PTPN4: variants seen among roughly 807,000 people sequenced by gnomAD.
PTPN4 encodes tyrosine-protein phosphatase non-receptor type 4.
Under a neutral mutation model 135.5 loss-of-function variants are expected in PTPN4, and 49 were observed. The observed-to-expected ratio is 0.36, with a 90% confidence interval of 0.29 to 0.46. PTPN4 has a LOEUF of 0.46. PTPN4 is among the 20% of genes least tolerant of loss of function. PTPN4 has a pLI of 1.00. For synonymous variants in PTPN4, 333 were observed against 369.9 expected (o/e 0.90, Z 1.14); for missense variants, 860 against 1,101.0 (o/e 0.78, Z 3.10).
At chr2:119,871,045 C>G (rs1418725536) in intron 3 of PTPN4, among the ~76,000 whole-genome samples, 1 of 149,980 alleles carries the variant, frequency 6.7e-6, no homozygotes, top group African/African-American at 2.5e-5. Flanking sequence ...GTCACATAAC[C>G]CAATAGAAAA....
chr2:119,868,462 A>T (rs959923387), intron 3 of PTPN4, among the ~76,000 whole-genome samples: 5 of 152,230 alleles, frequency 3.3e-5, no homozygotes, highest in African/African-American at 1.2e-4. Context: ...TGTTGGGAAC[A>T]GGACCCCCCA....
At chr2:119,901,877 G>GA (rs1248849814) in intron 10 of PTPN4, among the ~76,000 whole-genome samples, 1 of 151,592 alleles carries the variant, frequency 6.6e-6, no homozygotes, top group African/African-American at 2.4e-5. Context: ...TTATACACAA[G>GA]AAAAAAATGA....
intron 2 of PTPN4, among the ~76,000 whole-genome samples, chr2:119,837,982 C>T (rs1479317485): frequency 6.6e-6 from 1 of 152,240 alleles, no homozygotes; most frequent in African/African-American, 2.4e-5. Context: ...CTGACTCGCC[C>T]TTGGCAGGTG....
At chr2:119,965,331 C>T (rs192506170) in intron 24 of PTPN4, among the ~76,000 whole-genome samples, 166 bp from the exon 25 acceptor site, 4 of 152,228 alleles carry the variant, frequency 2.6e-5, no homozygotes, top group African/African-American at 9.6e-5. Flanking sequence ...ACTATGAGGA[C>T]GCGGGTCAGA....
intron 1 of PTPN4, among the ~76,000 whole-genome samples, chr2:119,789,953 C>G (rs1381641987): frequency 6.6e-6 from 1 of 152,040 alleles, no homozygotes; most frequent in Non-Finnish European, 1.5e-5. Context: ...GTCTTGAACT[C>G]CTGACCTCAA....
intron 11 of PTPN4, among the ~76,000 whole-genome samples, chr2:119,918,836 CTG>C (rs1169233770): frequency 6.6e-6 from 1 of 152,136 alleles, no homozygotes; most frequent in Non-Finnish European, 1.5e-5. Flanking sequence ...TATAAAATGT[CTG>C]TGAACAGTAA....
intron 7 of PTPN4, 22 bp from the exon 8 acceptor site, chr2:119,882,481 A>T: frequency 1.3e-6 from 2 of 1,487,286 alleles, no homozygotes; most frequent in Non-Finnish European, 1.8e-6. Flanking sequence ...TTAAAATGTG[A>T]ATGTTTTCCT....
At position 119,847,270 on chromosome 2, in the gene PTPN4, C is replaced by CTATA. The variant is rs1281854982; in HGVS notation, c.139-15263_139-15260dup. On this transcript the variant is annotated intron_variant, in intron 2 of 26. Transcript: ENST00000263708. ...TCAGTTAAGAAAAAAAGGAGATACT[C>CTATA]TATATACACACACACACACACACAC... 2.5e-3 allele frequency among the ~76,000 whole-genome samples: 262 copies of CTATA among 105,590 alleles called. 6 individuals are homozygous for CTATA. The highest frequency in any genetic ancestry group is 8.2e-3 in the African/African-American group (226 of 27,496). The allele number at this position is 105,590 out of a possible 152,430, so 69.3% of individuals were successfully genotyped here. A position where few individuals can be genotyped will look rare whatever the true frequency, so the allele number is the denominator to read the frequency against.
chr2:119,956,831 T>C lies in PTPN4; in HGVS notation c.1981-13T>C. 3 of 1,578,590 alleles carry C rather than the reference T, an allele frequency of 1.9e-6. No individual in the cohort carries two copies. Among genetic ancestry groups the C allele is most frequent in the Non-Finnish European group, 2.6e-6 (3 of 1,170,222 alleles). On this transcript the variant is annotated splice_polypyrimidine_tract_variant and intron_variant, in intron 20 of 26. Coordinates refer to ENST00000263708, the MANE Select transcript of PTPN4 (RefSeq NM_002830.4). ...GCTTTTGTTGGAATTGTACCTTTTT[T>C]TTTTTTTTTTAGCAACTGTATCGGA...
At chr2:119,833,674 C>G (rs532838140) in intron 2 of PTPN4, among the ~76,000 whole-genome samples, 5 of 151,982 alleles carry the variant, frequency 3.3e-5, no homozygotes, top group African/African-American at 1.2e-4. Context: ...ATTTTCACCT[C>G]GGACTAATTT....
intron 1 of PTPN4, among the ~76,000 whole-genome samples, chr2:119,791,881 C>A (rs1421326692): frequency 6.6e-6 from 1 of 152,014 alleles, no homozygotes; most frequent in African/African-American, 2.4e-5. Flanking sequence ...TCTGTCAGCC[C>A]CCTTTTCTGT....
chr2:119,873,563 C>T (rs1464255391), intron 3 of PTPN4, among the ~76,000 whole-genome samples: 2 of 152,000 alleles, frequency 1.3e-5, no homozygotes, highest in Non-Finnish European at 2.9e-5. Flanking sequence ...CATCAGGTAA[C>T]CGATTAGCAA....
chr2:119,820,294 T>G (rs893530922), intron 2 of PTPN4, among the ~76,000 whole-genome samples: 2 of 152,274 alleles, frequency 1.3e-5, no homozygotes, highest in African/African-American at 4.8e-5. Flanking sequence ...CCATCTGTGA[T>G]AGATGTGATC....
chr2:119,885,694 A>T, intron 8 of PTPN4, 101 bp from the exon 9 acceptor site: 1 of 757,686 alleles, frequency 1.3e-6, no homozygotes, highest in East Asian at 2.7e-5. Context: ...AGATTTAATT[A>T]GACTGCTCAG....
intron 5 of PTPN4, 71 bp from the exon 6 acceptor site, chr2:119,881,715 A>G (rs1348310690): frequency 4.8e-6 from 5 of 1,051,066 alleles, no homozygotes; most frequent in East Asian, 2.5e-5. Flanking sequence ...TAATGTAAGT[A>G]TACAGTTTCT....
At chr2:119,811,426 T>G (rs1417144505) in intron 2 of PTPN4, among the ~76,000 whole-genome samples, 1 of 152,172 alleles carries the variant, frequency 6.6e-6, no homozygotes, top group African/African-American at 2.4e-5. Flanking sequence ...AGATTTAGGA[T>G]TTAGTGTGCT....
chr2:119,770,878 CTTTTT>C (rs11302568), intron 1 of PTPN4, among the ~76,000 whole-genome samples: 2 of 138,970 alleles, frequency 1.4e-5, no homozygotes. Flanking sequence ...AAGGGTCTAA[CTTTTT>C]TTTTTTTTTT....
intron 23 of PTPN4, among the ~76,000 whole-genome samples, chr2:119,962,071 G>A (rs1679374071): frequency 6.6e-6 from 1 of 152,104 alleles, no homozygotes; most frequent in African/African-American, 2.4e-5. Context: ...CATTACAGCT[G>A]TTTTAAAAAA....
chr2:119,976,849 A>G, intron 26 of PTPN4, 135 bp from the exon 27 acceptor site: 1 of 1,434,534 alleles, frequency 7.0e-7, no homozygotes, highest in Non-Finnish European at 9.2e-7. Flanking sequence ...TTAGTGAAAA[A>G]TGGTATCTTT....
Sources: gnomAD v4.1 joint callset for allele counts (sites outside exome capture counted in the v4.1 genomes callset) on GRCh38, gnomAD v4.1.1 for gene constraint, MANE v1.5 for transcripts, NCBI Gene and HGNC (gene_info 2026-07-23, HGNC 2026-07-21) for gene names.